The following TBC1D19 variants were observed in gnomAD, a reference collection of about 807,000 sequenced individuals.
The protein encoded by TBC1D19 is TBC1 domain family member 19, also known as TBC1 domain family, member 19.
TBC1D19 carries 60 observed loss-of-function variants against 89.0 expected under a neutral mutation model. That is an observed-to-expected ratio of 0.67 (90% CI 0.55 to 0.84). The LOEUF is 0.84. Ranked by LOEUF, TBC1D19 falls within the 40% of genes least tolerant of loss-of-function variation. TBC1D19 has a pLI of 0.00. For missense variants in TBC1D19, 500 were observed against 610.8 expected, an observed-to-expected ratio of 0.82 and a Z score of 1.91; for synonymous variants, 189 against 199.7, an observed-to-expected ratio of 0.95 and a Z score of 0.45.
At chr4:26,779,679 A>G in the TBC1D19 span, among the ~76,000 whole-genome samples, 11 of 152,200 alleles carry the variant, frequency 7.2e-5, no homozygotes, top group Non-Finnish European at 1.5e-4. Context: ...GCAGAATAAG[A>G]AGGGCCCTGG....
intron 13 of TBC1D19, among the ~76,000 whole-genome samples, chr4:26,712,237 C>T (rs1716247605): frequency 6.6e-6 from 1 of 151,942 alleles, no homozygotes; most frequent in Non-Finnish European, 1.5e-5. Context: ...ATTATTGCTG[C>T]CATAAATTTA....
At chr4:26,789,335 G>T in the TBC1D19 span, among the ~76,000 whole-genome samples, 1 of 152,192 alleles carries the variant, frequency 6.6e-6, no homozygotes, top group African/African-American at 2.4e-5. Flanking sequence ...CCAATAGAAT[G>T]TGGGCAGAGG....
chr4:26,702,654 TCTC>T (rs943039389), intron 13 of TBC1D19, among the ~76,000 whole-genome samples: 7 of 152,212 alleles, frequency 4.6e-5, no homozygotes, highest in Non-Finnish European at 8.8e-5. Flanking sequence ...TCTCATGACT[TCTC>T]CTGCTTTTAG....
At chr4:26,757,141 A>G (rs62300968), downstream of TBC1D19, among the ~76,000 whole-genome samples, 57,481 of 151,794 alleles carry the variant, frequency 0.38, 11,799 homozygotes, top group Non-Finnish European at 0.47. Flanking sequence ...AGCCTCCCAA[A>G]TAGCTGGGAC....
the TBC1D19 span, among the ~76,000 whole-genome samples, chr4:26,813,359 C>T: frequency 2.4e-4 from 36 of 152,284 alleles, no homozygotes; most frequent in Admixed American, 1.4e-3. Flanking sequence ...TTCCAAAATC[C>T]TAAAAATTCT....
At chr4:26,732,408 T>C (rs981146377) in intron 15 of TBC1D19, among the ~76,000 whole-genome samples, 2 of 152,220 alleles carry the variant, frequency 1.3e-5, no homozygotes, top group Non-Finnish European at 1.5e-5. Context: ...ATAGCCCTTA[T>C]TACTATCTGA....
At chr4:26,591,498 G>A (rs1371658921) in intron 1 of TBC1D19, among the ~76,000 whole-genome samples, 3 of 152,112 alleles carry the variant, frequency 2.0e-5, no homozygotes, top group Admixed American at 2.0e-4. Context: ...TGCCTGAACT[G>A]AAGGAAACAG....
At chr4:26,724,423 C>T (rs540441447) in intron 15 of TBC1D19, among the ~76,000 whole-genome samples, 1 of 152,138 alleles carries the variant, frequency 6.6e-6, no homozygotes, top group Non-Finnish European at 1.5e-5. Flanking sequence ...TTCTGTCCCC[C>T]TCCCCAAGAA....
At chr4:26,789,591 T>G in the TBC1D19 span, among the ~76,000 whole-genome samples, 3 of 152,298 alleles carry the variant, frequency 2.0e-5, no homozygotes, top group South Asian at 6.2e-4. Context: ...TGGAAATGCT[T>G]AAACACTGTT....
upstream of TBC1D19, among the ~76,000 whole-genome samples, chr4:26,581,921 A>G (rs1739072987): frequency 6.6e-6 from 1 of 152,128 alleles, no homozygotes; most frequent in African/African-American, 2.4e-5. Flanking sequence ...ATACTCCGAC[A>G]CATCTGCTTC....
At chr4:26,811,948 T>C in the TBC1D19 span, among the ~76,000 whole-genome samples, 2 of 152,174 alleles carry the variant, frequency 1.3e-5, no homozygotes, top group African/African-American at 4.8e-5. Context: ...TCCTAACTCA[T>C]CCTGTGACTT....
At chr4:26,637,313 T>C in intron 5 of TBC1D19, 28 bp downstream of exon 5, 1 of 1,520,866 alleles carries the variant, frequency 6.6e-7, no homozygotes, top group Non-Finnish European at 9.1e-7. Flanking sequence ...TCTGTTTAAG[T>C]ATTTCATTGT....
chr4:26,581,748 T>C (rs1739070200), upstream of TBC1D19, among the ~76,000 whole-genome samples: 1 of 152,186 alleles, frequency 6.6e-6, no homozygotes, highest in African/African-American at 2.4e-5. Flanking sequence ...ACTCTTTGTA[T>C]AGCAGCCACA....
chr4:26,674,926 T>C (rs1712659100), intron 11 of TBC1D19, among the ~76,000 whole-genome samples: 1 of 152,086 alleles, frequency 6.6e-6, no homozygotes, highest in South Asian at 2.1e-4. Flanking sequence ...AAACTATGTA[T>C]ACGTGCATGT....
chr4:26,850,540 C>CAAAAAAAAAAAAAAAAAAAAAA, the TBC1D19 span, among the ~76,000 whole-genome samples: 88 of 90,392 alleles, frequency 9.7e-4, 1 homozygote, highest in African/African-American at 3.9e-3. Context: ...GACCCTGTCT[C>CAAAAAAAAAAAAAAAAAAAAAA]AAAAAAAAAA....
intron 1 of TBC1D19, among the ~76,000 whole-genome samples, chr4:26,592,172 G>C (rs961086612): frequency 1.3e-5 from 2 of 152,156 alleles, no homozygotes; most frequent in Non-Finnish European, 1.5e-5. Flanking sequence ...GGGATGCAAG[G>C]CTGGTTCAAC....
chr4:26,676,162 G>A (rs1380707449), intron 11 of TBC1D19, among the ~76,000 whole-genome samples: 2 of 152,080 alleles, frequency 1.3e-5, no homozygotes, highest in East Asian at 3.9e-4. Flanking sequence ...TCTTAGGAAG[G>A]TTCTTACAAC....
the TBC1D19 span, among the ~76,000 whole-genome samples, chr4:26,780,996 A>G: frequency 6.6e-6 from 1 of 152,216 alleles, no homozygotes; most frequent in Non-Finnish European, 1.5e-5. Flanking sequence ...GGCCTCTAGG[A>G]TCCAGGTCTT....
chr4:26,622,165 A>G (rs1168098962), intron 4 of TBC1D19, among the ~76,000 whole-genome samples: 7 of 152,220 alleles, frequency 4.6e-5, no homozygotes, highest in Non-Finnish European at 8.8e-5. Context: ...TAATGGGTGC[A>G]GCTCACCAAC....
Sources: gnomAD v4.1 joint callset for allele counts (sites outside exome capture counted in the v4.1 genomes callset) on GRCh38, gnomAD v4.1.1 for gene constraint, MANE v1.5 for transcripts, NCBI Gene and HGNC (gene_info 2026-07-23, HGNC 2026-07-21) for gene names.